HS2ST1: variants seen among roughly 807,000 people sequenced by gnomAD.
HS2ST1 encodes the protein 2-O-sulfotransferase.
HS2ST1 carries 18 observed loss-of-function variants against 42.9 expected under a neutral mutation model. The ratio of observed to expected loss-of-function variants is 0.42; its 90% CI spans 0.29 to 0.62. HS2ST1 has a LOEUF of 0.62. Ranked by LOEUF, HS2ST1 falls within the 20% of genes least tolerant of loss-of-function variation. The probability of loss-of-function intolerance (pLI) is 0.21; values close to 1 mark genes in which losing one functional copy is unlikely to be tolerated. For synonymous variants in HS2ST1, 146 were observed against 152.9 expected (o/e 0.95, Z 0.33); for missense variants, 334 against 433.8 (o/e 0.77, Z 2.04).
chr1:87,076,049 A>T (rs966604898), intron 2 of HS2ST1, among the ~76,000 whole-genome samples: 4 of 152,216 alleles, frequency 2.6e-5, no homozygotes, highest in African/African-American at 9.6e-5. Flanking sequence ...AGTTAAAATA[A>T]AACATCAATT....
At chr1:86,998,213 G>C (rs1649163367) in intron 1 of HS2ST1, among the ~76,000 whole-genome samples, 1 of 152,088 alleles carries the variant, frequency 6.6e-6, no homozygotes, top group South Asian at 2.1e-4. Context: ...TAAATGCTTA[G>C]GAAAATTTGA....
chr1:87,057,281 T>G (rs1650993391), intron 1 of HS2ST1, among the ~76,000 whole-genome samples: 1 of 152,242 alleles, frequency 6.6e-6, no homozygotes, highest in Non-Finnish European at 1.5e-5. Flanking sequence ...TTGGTGTCCT[T>G]AACAATCTTT....
intron 1 of HS2ST1, among the ~76,000 whole-genome samples, chr1:87,050,300 A>C (rs918725898): frequency 6.6e-6 from 1 of 152,040 alleles, no homozygotes; most frequent in African/African-American, 2.4e-5. Context: ...AGATTTAAGA[A>C]TTTGAATAAT....
At chr1:87,028,677 T>G (rs1054280752) in intron 1 of HS2ST1, among the ~76,000 whole-genome samples, 2 of 152,212 alleles carry the variant, frequency 1.3e-5, no homozygotes, top group Non-Finnish European at 2.9e-5. Context: ...TACACACACG[T>G]TTTTGCAAAC....
chr1:87,027,332 A>G (rs947330292), intron 1 of HS2ST1, among the ~76,000 whole-genome samples: 1 of 152,234 alleles, frequency 6.6e-6, no homozygotes, highest in Non-Finnish European at 1.5e-5. Flanking sequence ...CACTATAATT[A>G]AAGTCATTTT....
chr1:87,039,768 A>G (rs757378628), intron 1 of HS2ST1, among the ~76,000 whole-genome samples: 7 of 152,192 alleles, frequency 4.6e-5, no homozygotes, highest in Non-Finnish European at 8.8e-5. Flanking sequence ...TTTGACCAAT[A>G]GTAACTAATT....
At chr1:87,024,921 T>C (rs1331925860) in intron 1 of HS2ST1, among the ~76,000 whole-genome samples, 1 of 152,226 alleles carries the variant, frequency 6.6e-6, no homozygotes, top group East Asian at 1.9e-4. Context: ...ATTAAATGCC[T>C]ATATAACAAT....
At chr1:87,072,824 GTT>G in intron 1 of HS2ST1, 108 bp from the exon 2 acceptor site, 1 of 776,104 alleles carries the variant, frequency 1.3e-6, no homozygotes, top group Non-Finnish European at 2.1e-6. Flanking sequence ...CTTTGCTTTT[GTT>G]TTTTGTTTTC....
chr1:86,966,443 C>G (rs1169235834), intron 1 of HS2ST1, among the ~76,000 whole-genome samples: 1 of 152,160 alleles, frequency 6.6e-6, no homozygotes, highest in East Asian at 1.9e-4. Context: ...AAATTGGAGT[C>G]TCTAATTTTA....
At chr1:86,999,115 G>C (rs1570473935) in intron 1 of HS2ST1, among the ~76,000 whole-genome samples, 1 of 152,060 alleles carries the variant, frequency 6.6e-6, no homozygotes, top group East Asian at 1.9e-4. Context: ...ATTTTAAAAG[G>C]TTTCTAGGAA....
At chr1:87,093,823 C>T (rs1652002034) in intron 4 of HS2ST1, among the ~76,000 whole-genome samples, 1 of 149,928 alleles carries the variant, frequency 6.7e-6, no homozygotes, top group Admixed American at 6.6e-5. Context: ...TAGTTATACC[C>T]TCTGTGTCAC....
At chr1:86,975,797 T>C (rs963143521) in intron 1 of HS2ST1, among the ~76,000 whole-genome samples, 14 of 152,224 alleles carry the variant, frequency 9.2e-5, no homozygotes, top group Admixed American at 8.5e-4. Context: ...TGGAAAAGTT[T>C]ATAAATTTTG....
In HS2ST1 at chr1:87,047,650, A is replaced by T. The variant is rs924586113; in HGVS notation, c.125-25284A>T. Among the ~76,000 whole-genome samples, 17 of 152,292 alleles carry T rather than the reference A, an allele frequency of 1.1e-4. No homozygotes were observed. The East Asian group carries it at 2.3e-3, about 21-fold the overall frequency. On this transcript the variant is annotated intron_variant, in intron 1 of 6. Transcript: ENST00000370550. Reference sequence around the variant, plus strand: ...AAAATGGCTATCCAGTTGTTCCCATACTATTTGTTGAAGAGGTGATCATTT... The same window carrying T: ...AAAATGGCTATCCAGTTGTTCCCATTCTATTTGTTGAAGAGGTGATCATTT...
At chr1:86,985,766 A>G (rs902222947) in intron 1 of HS2ST1, among the ~76,000 whole-genome samples, 1 of 151,978 alleles carries the variant, frequency 6.6e-6, no homozygotes, top group African/African-American at 2.4e-5. Context: ...TTCAAAGGCC[A>G]AAACTTCTAA....
intron 1 of HS2ST1, among the ~76,000 whole-genome samples, chr1:86,978,861 C>CTTT (rs55812524): frequency 0.67 from 66,229 of 98,538 alleles, 23,169 homozygotes; most frequent in East Asian, 0.9. Flanking sequence ...ACTTGTGAAT[C>CTTT]TTTTTTTTTT....
At chr1:86,931,982 T>G (rs1019180046) in intron 1 of HS2ST1, among the ~76,000 whole-genome samples, 2 of 152,110 alleles carry the variant, frequency 1.3e-5, no homozygotes, top group East Asian at 3.9e-4. Context: ...CTTTCTTGCC[T>G]AAGCTGGTCT....
At chr1:87,014,065 A>G (rs1649680551) in intron 1 of HS2ST1, among the ~76,000 whole-genome samples, 2 of 151,920 alleles carry the variant, frequency 1.3e-5, no homozygotes, top group Admixed American at 1.3e-4. Context: ...AACTGTTCCA[A>G]CCTCTGCCTA....
At chr1:87,078,345 AACCCCAAC>A (rs1177563643) in intron 2 of HS2ST1, among the ~76,000 whole-genome samples, 1 of 152,194 alleles carries the variant, frequency 6.6e-6, no homozygotes, top group East Asian at 1.9e-4. Context: ...ACTAACAAAA[AACCCCAAC>A]ACCATTACCT....
At chr1:87,050,641 A>C (rs1330901301) in intron 1 of HS2ST1, among the ~76,000 whole-genome samples, 1 of 152,110 alleles carries the variant, frequency 6.6e-6, no homozygotes, top group Non-Finnish European at 1.5e-5. Context: ...TTGCTCTTAT[A>C]TCACCTTGGG....
Sources: gnomAD v4.1 joint callset for allele counts (sites outside exome capture counted in the v4.1 genomes callset) on GRCh38, gnomAD v4.1.1 for gene constraint, MANE v1.5 for transcripts, NCBI Gene and HGNC (gene_info 2026-07-23, HGNC 2026-07-21) for gene names.